ERC2: variants seen among roughly 807,000 people sequenced by gnomAD.
ERC2 encodes the protein ELKS/RAB6-interacting/CAST family member 2, also known as ERC protein 2.
ERC2 carries 42 observed loss-of-function variants against 114.8 expected under a neutral mutation model. The ratio of observed to expected loss-of-function variants is 0.37; its 90% CI spans 0.29 to 0.47. ERC2 has a LOEUF of 0.47. ERC2 is among the 20% of genes least tolerant of loss of function. The probability of loss-of-function intolerance (pLI) is 0.99; values close to 1 mark genes in which losing one functional copy is unlikely to be tolerated. For missense variants in ERC2, 939 were observed against 1,150.7 expected (o/e 0.82, Z 2.66); for synonymous variants, 454 against 425.5 (o/e 1.07, Z -0.82).
chr3:56,093,703 A>G (rs1025156477), intron 6 of ERC2, among the ~76,000 whole-genome samples: 1 of 152,184 alleles, frequency 6.6e-6, no homozygotes, highest in Non-Finnish European at 1.5e-5. Flanking sequence ...ATTTGGCTGC[A>G]TAGTTCTATA....
intron 2 of ERC2, among the ~76,000 whole-genome samples, chr3:56,416,660 A>T (rs550968277): frequency 0.01 from 364 of 35,930 alleles, 3 homozygotes; most frequent in African/African-American, 0.05. Flanking sequence ...AAACATGATT[A>T]AAAAAAAAAA....
At chr3:55,878,779 G>A (rs2062980063) in intron 14 of ERC2, among the ~76,000 whole-genome samples, 1 of 152,154 alleles carries the variant, frequency 6.6e-6, no homozygotes, top group Non-Finnish European at 1.5e-5. Context: ...TGCATGCACT[G>A]GATAGCATAT....
intron 17 of ERC2, among the ~76,000 whole-genome samples, chr3:55,514,728 T>C (rs1360067053): frequency 6.6e-6 from 1 of 152,202 alleles, no homozygotes; most frequent in African/African-American, 2.4e-5. Flanking sequence ...CGAAGGAGCT[T>C]GAAGGTGGAT....
intron 3 of ERC2, among the ~76,000 whole-genome samples, chr3:56,258,975 A>AT (rs1560475048): frequency 6.9e-5 from 5 of 72,964 alleles, no homozygotes; most frequent in Admixed American, 1.6e-4. Context: ...TTAATTAATT[A>AT]ATTTTTTTTT....
intron 3 of ERC2, among the ~76,000 whole-genome samples, chr3:56,291,836 A>G: frequency 6.6e-6 from 1 of 152,246 alleles, no homozygotes; most frequent in East Asian, 1.9e-4. Flanking sequence ...AAAAAAAAAA[A>G]AATACCCTGA....
chr3:55,997,152 T>A (rs988974615), intron 10 of ERC2, among the ~76,000 whole-genome samples: 1 of 152,138 alleles, frequency 6.6e-6, no homozygotes, highest in African/African-American at 2.4e-5. Context: ...TAAAAATCAT[T>A]TCCCTCAAAA....
At chr3:55,777,819 G>A (rs1009860506) in intron 14 of ERC2, among the ~76,000 whole-genome samples, 3 of 152,046 alleles carry the variant, frequency 2.0e-5, no homozygotes, top group African/African-American at 7.3e-5. Context: ...CTTCCACATG[G>A]GAACTTCAGA....
At chr3:55,577,375 T>C (rs1441853849) in intron 17 of ERC2, among the ~76,000 whole-genome samples, 1 of 151,998 alleles carries the variant, frequency 6.6e-6, no homozygotes, top group Non-Finnish European at 1.5e-5. Context: ...CAGTGAGAGA[T>C]GGGGTAAAAA....
intron 7 of ERC2, among the ~76,000 whole-genome samples, chr3:56,019,702 C>A (rs2073564453): frequency 6.6e-6 from 1 of 152,104 alleles, no homozygotes; most frequent in Admixed American, 6.5e-5. Context: ...CTATCTGCAG[C>A]CTGAAATAAA....
At chr3:56,268,337 G>C (rs76871669) in intron 3 of ERC2, among the ~76,000 whole-genome samples, 1 of 152,058 alleles carries the variant, frequency 6.6e-6, no homozygotes, top group Non-Finnish European at 1.5e-5. Flanking sequence ...CAATGTTCAC[G>C]CAATGTCAAA....
chr3:55,856,576 G>A (rs761991411), intron 14 of ERC2, among the ~76,000 whole-genome samples: 42 of 152,020 alleles, frequency 2.8e-4, no homozygotes, highest in African/African-American at 3.1e-4. Flanking sequence ...ATGTCTCTGC[G>A]TGTATATATA....
At chr3:56,423,703 A>G (rs962337165) in intron 2 of ERC2, among the ~76,000 whole-genome samples, 3 of 152,102 alleles carry the variant, frequency 2.0e-5, no homozygotes, top group Admixed American at 2.0e-4. Context: ...AACAGAAGAA[A>G]TTGCACGTGC....
chr3:56,434,997 C>A lies in ERC2; in HGVS notation c.11G>T (p.Ser4Ile). Residue 4 changes from serine to isoleucine, a missense_variant, in exon 2 of 18, where the codon AGT becomes ATT. Transcript: ENST00000288221. Reference protein sequence around the residue: MYGSARTITNLEGS... With the variant: MYGIARTITNLEGS... Reference sequence around the variant, plus strand: ...TTCCAGATTGGTGATTGTTCTTGCACTTCCATACATTTTTCTTGTATTATG... The same window carrying A: ...TTCCAGATTGGTGATTGTTCTTGCAATTCCATACATTTTTCTTGTATTATG... 6.2e-7 allele frequency: 1 copy of A among 1,607,958 alleles called. No homozygotes were observed. Among genetic ancestry groups the A allele is most frequent in the Non-Finnish European group, 8.5e-7 (1 of 1,178,904 alleles).
At chr3:55,750,236 T>C (rs1378712457) in intron 14 of ERC2, among the ~76,000 whole-genome samples, 1 of 152,168 alleles carries the variant, frequency 6.6e-6, no homozygotes, top group Non-Finnish European at 1.5e-5. Context: ...ATTGTTAAGA[T>C]ACAGGATAAG....
chr3:56,064,290 A>G (rs558513418), intron 7 of ERC2, among the ~76,000 whole-genome samples: 1 of 152,300 alleles, frequency 6.6e-6, no homozygotes, highest in Non-Finnish European at 1.5e-5. Context: ...CTCTATTCCT[A>G]CCTTCCCACC....
At chr3:55,984,980 T>C (rs1179993520) in intron 12 of ERC2, among the ~76,000 whole-genome samples, 1 of 152,204 alleles carries the variant, frequency 6.6e-6, no homozygotes, top group African/African-American at 2.4e-5. Context: ...TGGGGCAGAA[T>C]AAAGGGTTGC....
chr3:55,956,948 G>GCTA (rs10663461), intron 12 of ERC2, among the ~76,000 whole-genome samples: 56,058 of 151,508 alleles, frequency 0.37, 10,569 homozygotes, highest in Admixed American at 0.48. Context: ...GGTGCTTGGG[G>GCTA]CTACACAAGG....
intron 15 of ERC2, among the ~76,000 whole-genome samples, chr3:55,709,860 G>A (rs1389114749): frequency 1.3e-5 from 2 of 152,190 alleles, no homozygotes; most frequent in African/African-American, 4.8e-5. Flanking sequence ...AGCTGGGAGG[G>A]AGAACGAGAC....
intron 3 of ERC2, among the ~76,000 whole-genome samples, chr3:56,267,817 C>G (rs2053419669): frequency 6.6e-6 from 1 of 151,812 alleles, no homozygotes; most frequent in Non-Finnish European, 1.5e-5. Context: ...AGATGTAGGT[C>G]AAGTACAAAG....
Sources: gnomAD v4.1 joint callset for allele counts (sites outside exome capture counted in the v4.1 genomes callset) on GRCh38, gnomAD v4.1.1 for gene constraint, MANE v1.5 for transcripts, NCBI Gene and HGNC (gene_info 2026-07-23, HGNC 2026-07-21) for gene names.